Variants in ENTHD1 observed in about 807,000 individuals in gnomAD.
The protein encoded by ENTHD1 is ENTH domain containing 1.
A neutral mutation model predicts 39.1 loss-of-function variants in ENTHD1; 23 were observed. The ratio of observed to expected loss-of-function variants is 0.59; its 90% CI spans 0.42 to 0.83. The LOEUF is 0.83. Ranked by LOEUF, ENTHD1 falls within the 40% of genes least tolerant of loss-of-function variation. The pLI, the probability that ENTHD1 is intolerant of heterozygous loss-of-function variation, is 0.00. For synonymous variants in ENTHD1, 230 were observed against 258.2 expected (o/e 0.89, Z 1.05); for missense variants, 624 against 705.4 (o/e 0.88, Z 1.31).
chr22:39,780,058 C>T (rs1399359375), intron 5 of ENTHD1, among the ~76,000 whole-genome samples: 3 of 152,098 alleles, frequency 2.0e-5, no homozygotes, highest in Non-Finnish European at 2.9e-5. Flanking sequence ...AATAGAAGTA[C>T]TAACTCCTTA....
chr22:39,871,218 AATAC>A lies in ENTHD1; in HGVS notation c.350-9215_350-9212del, dbSNP rs1569176950. 4.8e-5 allele frequency among the ~76,000 whole-genome samples: 7 copies of A among 147,000 alleles called. No individual in the cohort carries two copies. In the South Asian group the frequency reaches 1.3e-3, roughly 27 times the overall value. ...AAATAAATAAATAAATAAATAAATA[AATAC>A]GGACCTTCCTAGTGAGTATCTGAAT... On this transcript the variant is annotated intron_variant, in intron 2 of 6. Transcript: ENST00000325157.
chr22:39,830,157 C>G (rs2065857483), intron 4 of ENTHD1, among the ~76,000 whole-genome samples: 1 of 152,142 alleles, frequency 6.6e-6, no homozygotes. Flanking sequence ...CTCACTGCAA[C>G]CTCTGCCTCC....
At chr22:39,766,853 T>C (rs1024810894) in intron 5 of ENTHD1, among the ~76,000 whole-genome samples, 3 of 152,220 alleles carry the variant, frequency 2.0e-5, no homozygotes, top group Admixed American at 1.3e-4. Context: ...GAAACTTACA[T>C]TGCTATCTTC....
chr22:39,859,811 G>GA (rs2066125259), intron 3 of ENTHD1, among the ~76,000 whole-genome samples: 1 of 152,208 alleles, frequency 6.6e-6, no homozygotes, highest in Non-Finnish European at 1.5e-5. Flanking sequence ...CATGCTATCA[G>GA]AAAAATGGTG....
intron 3 of ENTHD1, among the ~76,000 whole-genome samples, chr22:39,855,106 T>C (rs913619376): frequency 6.6e-6 from 1 of 152,216 alleles, no homozygotes; most frequent in Non-Finnish European, 1.5e-5. Flanking sequence ...AACAACTGTC[T>C]CTTACAAGCT....
At chr22:39,885,577 C>T (rs1228396623) in intron 2 of ENTHD1, among the ~76,000 whole-genome samples, 3 of 152,162 alleles carry the variant, frequency 2.0e-5, no homozygotes, top group African/African-American at 7.2e-5. Flanking sequence ...AAAGAAACAA[C>T]CCAAGAGTCC....
rs1388184608 is a variant in ENTHD1 at position 39,824,994 on chromosome 22, GAAT to G, written c.712-3884_712-3882del. Among the ~76,000 whole-genome samples, 13 of 152,268 alleles carry G rather than the reference GAAT, an allele frequency of 8.5e-5. No individual in the cohort carries two copies. The East Asian group carries it at 2.5e-3, about 29-fold the overall frequency. ...TAATAGGAATTACATTAAACCTATAGAATAATTAGGGTCATCTGTACTATGACC... is the reference window on the plus strand; with the variant it reads ...TAATAGGAATTACATTAAACCTATAGAATTAGGGTCATCTGTACTATGACC... On this transcript the variant is annotated intron_variant, in intron 4 of 6. Transcript: ENST00000325157.
At chr22:39,809,905 TG>T (rs1230309374) in intron 5 of ENTHD1, among the ~76,000 whole-genome samples, 2 of 152,232 alleles carry the variant, frequency 1.3e-5, no homozygotes, top group Non-Finnish European at 2.9e-5. Flanking sequence ...TTCTGTTTTT[TG>T]TTTTTTGTTT....
intron 5 of ENTHD1, among the ~76,000 whole-genome samples, chr22:39,808,275 C>T (rs2065659600): frequency 6.6e-6 from 1 of 152,128 alleles, no homozygotes; most frequent in African/African-American, 2.4e-5. Flanking sequence ...GTTAGGTGCC[C>T]TCCTGTACAT....
intron 5 of ENTHD1, among the ~76,000 whole-genome samples, chr22:39,773,290 C>T (rs1048737583): frequency 2.0e-5 from 3 of 152,126 alleles, no homozygotes; most frequent in African/African-American, 7.2e-5. Flanking sequence ...CTTGACCTAA[C>T]AGACATTTAT....
intron 5 of ENTHD1, among the ~76,000 whole-genome samples, chr22:39,781,360 T>C (rs1046908659): frequency 2.6e-5 from 4 of 152,150 alleles, no homozygotes; most frequent in African/African-American, 9.7e-5. Context: ...AAAGGAACCT[T>C]GGAAAGTTCA....
intron 3 of ENTHD1, among the ~76,000 whole-genome samples, chr22:39,838,997 T>C (rs1195870333): frequency 6.6e-6 from 1 of 152,176 alleles, no homozygotes; most frequent in Non-Finnish European, 1.5e-5. Context: ...TTCCCTTAGA[T>C]ACATTTAAAA....
intron 5 of ENTHD1, among the ~76,000 whole-genome samples, chr22:39,780,540 T>A (rs1283253297): frequency 1.3e-5 from 2 of 152,160 alleles, no homozygotes; most frequent in African/African-American, 4.8e-5. Context: ...ATACTCCATG[T>A]AACTGGAAAC....
intron 6 of ENTHD1, among the ~76,000 whole-genome samples, chr22:39,756,880 T>C (rs1045339837): frequency 6.6e-6 from 1 of 152,206 alleles, no homozygotes; most frequent in African/African-American, 2.4e-5. Context: ...TTGATTACTA[T>C]AGCTTTACCG....
chr22:39,858,928 T>C (rs954601481), intron 3 of ENTHD1, among the ~76,000 whole-genome samples: 5 of 152,220 alleles, frequency 3.3e-5, no homozygotes, highest in Non-Finnish European at 7.3e-5. Context: ...GAGTCCTAGA[T>C]GGCATCTTTT....
At chr22:39,761,263 G>T (rs1409275801) in intron 6 of ENTHD1, among the ~76,000 whole-genome samples, 1 of 152,028 alleles carries the variant, frequency 6.6e-6, no homozygotes, top group Non-Finnish European at 1.5e-5. Context: ...ACTTTTCATT[G>T]TCTCCTGGTA....
At chr22:39,841,409 T>C (rs930608779) in intron 3 of ENTHD1, among the ~76,000 whole-genome samples, 4 of 152,078 alleles carry the variant, frequency 2.6e-5, no homozygotes, top group Admixed American at 2.6e-4. Context: ...GCTTTATGAA[T>C]CTGGGTGCTC....
intron 5 of ENTHD1, among the ~76,000 whole-genome samples, chr22:39,813,815 A>G (rs926670976): frequency 6.6e-6 from 1 of 152,226 alleles, no homozygotes; most frequent in Non-Finnish European, 1.5e-5. Flanking sequence ...GAAACCCAGA[A>G]GAATCTACAG....
intron 6 of ENTHD1, among the ~76,000 whole-genome samples, chr22:39,752,822 G>T (rs551468313): frequency 6.6e-6 from 1 of 152,290 alleles, no homozygotes; most frequent in East Asian, 1.9e-4. Context: ...GATGATGAAG[G>T]CTGCCTTCAA....
Sources: gnomAD v4.1 joint callset for allele counts (sites outside exome capture counted in the v4.1 genomes callset) on GRCh38, gnomAD v4.1.1 for gene constraint, MANE v1.5 for transcripts, NCBI Gene and HGNC (gene_info 2026-07-23, HGNC 2026-07-21) for gene names.